The following PCDHA13 variants were observed in gnomAD, a reference collection of about 807,000 sequenced individuals.
PCDHA13 encodes the protein protocadherin alpha-13.
Under a neutral mutation model 64.8 loss-of-function variants are expected in PCDHA13, and 54 were observed. That is an observed-to-expected ratio of 0.83 (90% CI 0.67 to 1.04). PCDHA13 has a LOEUF of 1.04. Among genes scored for constraint, PCDHA13 ranks in the 50% least tolerant of loss-of-function variants. The pLI, the probability that PCDHA13 is intolerant of heterozygous loss-of-function variation, is 0.00. For missense variants in PCDHA13, 1,248 were observed against 1,254.3 expected (o/e 0.99, Z 0.08); for synonymous variants, 587 against 564.4 (o/e 1.04, Z -0.57).
intron 1 of PCDHA13, among the ~76,000 whole-genome samples, chr5:140,959,379 A>T (rs2095484732): frequency 6.6e-6 from 1 of 152,176 alleles, no homozygotes; most frequent in Admixed American, 6.5e-5. Context: ...GTCTCAAAAA[A>T]AAAAGTCACA....
Position 140,883,303 on chromosome 5 carries a change from T to C in PCDHA13, c.1035T>C (p.Asp345=). Residue 345 remains aspartate, a synonymous_variant, in exon 1 of 4, where the codon GAT becomes GAC. Coordinates refer to ENST00000289272, the MANE Select transcript of PCDHA13 (RefSeq NM_018904.3). ...TGGTGGAAGTACTAGATGTAAATGA[T>C]AACGCCCCAGAGGTTACCATCACTT... ...TLLVEVLDVN[D]NAPEVTITSL... The C allele has an allele frequency of 1.9e-6, 3 of 1,614,096 alleles. No homozygotes were observed. Among genetic ancestry groups the C allele is most frequent in the Non-Finnish European group, 2.5e-6 (3 of 1,180,006 alleles).
chr5:140,970,948 C>A (rs1339410112), intron 1 of PCDHA13, among the ~76,000 whole-genome samples: 2 of 152,114 alleles, frequency 1.3e-5, no homozygotes, highest in East Asian at 3.8e-4. Flanking sequence ...TGCTGAGAAA[C>A]CATGGGAGGC....
chr5:141,008,718 T>C (rs2098388409), intron 3 of PCDHA13, among the ~76,000 whole-genome samples: 1 of 152,230 alleles, frequency 6.6e-6, no homozygotes, highest in Non-Finnish European at 1.5e-5. Context: ...TGCTTGAGTG[T>C]ATGTCCAACT....
At chr5:140,909,025 T>C (rs1226589511) in intron 1 of PCDHA13, among the ~76,000 whole-genome samples, 1 of 152,156 alleles carries the variant, frequency 6.6e-6, no homozygotes, top group African/African-American at 2.4e-5. Context: ...TGAATTTTAG[T>C]CATTTATTTT....
At chr5:140,923,804 ATCT>A (rs1273575266) in intron 1 of PCDHA13, among the ~76,000 whole-genome samples, 1 of 152,220 alleles carries the variant, frequency 6.6e-6, no homozygotes, top group African/African-American at 2.4e-5. Flanking sequence ...CACAAATGAA[ATCT>A]TCTGAAAATA....
intron 1 of PCDHA13, among the ~76,000 whole-genome samples, chr5:140,896,879 G>A (rs1323456222): frequency 6.6e-6 from 1 of 151,976 alleles, no homozygotes; most frequent in Non-Finnish European, 1.5e-5. Context: ...TATTTATGGG[G>A]TATATGAGAC....
At chr5:140,889,257 A>G (rs946372435) in intron 1 of PCDHA13, among the ~76,000 whole-genome samples, 1 of 151,854 alleles carries the variant, frequency 6.6e-6, no homozygotes, top group Non-Finnish European at 1.5e-5. Flanking sequence ...TTTCCTGTAA[A>G]AGTTTGTATA....
rs114181547 is a variant in PCDHA13, at chr5:140,916,746, T to C, written c.2394+32084T>C. Among the ~76,000 whole-genome samples, 1,217 of 152,314 alleles carry C rather than the reference T, an allele frequency of 8.0e-3. 6 individuals carry two copies. Among genetic ancestry groups the C allele is most frequent in the African/African-American group, 0.019 (786 of 41,576 alleles). ...TTTTGTTGCTGCAAGCTTCACTGCC[T>C]GGGATTAGGGGAGGGGTGGCACAAG... On this transcript the variant is annotated intron_variant, in intron 1 of 3. Coordinates refer to ENST00000289272, the MANE Select transcript of PCDHA13 (RefSeq NM_018904.3).
rs193129915 is a variant in PCDHA13 at position 140,907,396 on chromosome 5, T to C, written c.2394+22734T>C. On this transcript the variant is annotated intron_variant, in intron 1 of 3. Coordinates refer to ENST00000289272, the MANE Select transcript of PCDHA13 (RefSeq NM_018904.3). The stretch of plus-strand genomic sequence containing the variant: ...TGAGTGCCTTGGTCAAAGGCAATGC[T>C]GTGTGGAATACCACGATGGTGGATA... Among the ~76,000 whole-genome samples, 1,220 of 152,314 alleles carry C rather than the reference T, an allele frequency of 8.0e-3. 6 individuals are homozygous for C. Among genetic ancestry groups the C allele is most frequent in the African/African-American group, 0.019 (787 of 41,564 alleles).
intron 1 of PCDHA13, among the ~76,000 whole-genome samples, chr5:140,920,594 C>G (rs1347372573): frequency 1.3e-5 from 2 of 152,176 alleles, no homozygotes; most frequent in Admixed American, 1.3e-4. Flanking sequence ...GCCTGTAATC[C>G]CAGCACTTTG....
rs1554253792 is a variant in PCDHA13 at position 140,993,501 on chromosome 5, C to CACAT, written c.2542+10941_2542+10942insTACA. ...ACACACACACACACACACACACACA[C>CACAT]ACACACACGGGGAGAGAGAGACAGA... is the stretch of plus-strand genomic sequence containing the variant. On this transcript the variant is annotated intron_variant, in intron 3 of 3. Transcript: ENST00000289272. Among the ~76,000 whole-genome samples, 4 of 149,100 alleles carry CACAT rather than the reference C, an allele frequency of 2.7e-5. No individual in the cohort carries two copies. In the East Asian group the frequency reaches 5.8e-4, roughly 22 times the overall value.
At chr5:140,973,062 G>GTC (rs1554234872) in intron 1 of PCDHA13, among the ~76,000 whole-genome samples, 1 of 152,138 alleles carries the variant, frequency 6.6e-6, no homozygotes, top group African/African-American at 2.4e-5. Context: ...GTCCAACAGT[G>GTC]TCTCAGTGGG....
chr5:140,955,932 A>T (rs907189668), intron 1 of PCDHA13, among the ~76,000 whole-genome samples: 2 of 152,106 alleles, frequency 1.3e-5, no homozygotes, highest in Non-Finnish European at 2.9e-5. Flanking sequence ...GTTCATTCAT[A>T]ATATGGCTGT....
chr5:140,936,545 G>A (rs1456098221), intron 1 of PCDHA13, among the ~76,000 whole-genome samples: 1 of 152,202 alleles, frequency 6.6e-6, no homozygotes, highest in African/African-American at 2.4e-5. Context: ...ATAGTGCAAT[G>A]TAGAAGTCAA....
intron 1 of PCDHA13, chr5:140,969,516 A>G: frequency 1.4e-6 from 2 of 1,410,726 alleles, no homozygotes; most frequent in Non-Finnish European, 1.9e-6. Flanking sequence ...GCACTAAAGA[A>G]TTGTTTTATT....
At chr5:140,916,379 C>G (rs180755548) in intron 1 of PCDHA13, among the ~76,000 whole-genome samples, 2 of 152,302 alleles carry the variant, frequency 1.3e-5, no homozygotes, top group Admixed American at 6.5e-5. Context: ...GTAGCCACCA[C>G]AACTAGGAAT....
intron 1 of PCDHA13, among the ~76,000 whole-genome samples, chr5:140,971,061 G>A (rs2096454888): frequency 6.6e-6 from 1 of 152,154 alleles, no homozygotes; most frequent in Non-Finnish European, 1.5e-5. Context: ...TTTAAATAAG[G>A]TTGCTGTAGA....
intron 1 of PCDHA13, among the ~76,000 whole-genome samples, chr5:140,896,285 G>T (rs1392495241): frequency 1.3e-5 from 2 of 152,202 alleles, no homozygotes; most frequent in African/African-American, 2.4e-5. Context: ...GGCTTGAATG[G>T]TAAGTTCTTT....
In PCDHA13 at chr5:141,009,476, C is replaced by G. The variant is rs970744618; in HGVS notation, c.2543-151C>G. ...TTAAACAAATAAATAAATAAGTAAA[C>G]ACTTGCCTTGCCCTCAGACTTGAAC... On this transcript the variant is annotated intron_variant, in intron 3 of 3. Coordinates refer to ENST00000289272, the MANE Select transcript of PCDHA13 (RefSeq NM_018904.3). 2.3e-5 allele frequency: 32 copies of G among 1,420,036 alleles called. No individual in the cohort carries two copies. The East Asian group carries it at 7.2e-4, about 32-fold the overall frequency. 88.0% of individuals were successfully genotyped at this position (1,420,036 alleles called of 1,614,324 possible).
Sources: gnomAD v4.1 joint callset for allele counts (sites outside exome capture counted in the v4.1 genomes callset) on GRCh38, gnomAD v4.1.1 for gene constraint, MANE v1.5 for transcripts, NCBI Gene and HGNC (gene_info 2026-07-23, HGNC 2026-07-21) for gene names.